PKP2: variants seen among roughly 807,000 people sequenced by gnomAD.
The protein encoded by PKP2 is plakophilin 2, also known as plakophilin-2.
In PKP2, 73 loss-of-function variants were observed where a neutral mutation model predicts 83.4. The observed-to-expected ratio is 0.88, with a 90% CI of 0.72 to 1.06. The LOEUF (loss-of-function observed/expected upper bound fraction) is 1.06. PKP2 is among the 50% of genes least tolerant of loss of function. The pLI is 0.00. For synonymous variants in PKP2, 409 were observed against 430.4 expected (o/e 0.95, Z 0.62); for missense variants, 966 against 1,065.4 (o/e 0.91, Z 1.30).
Position 32,877,890 on chromosome 12 carries a change from C to G in PKP2, c.990G>C (p.Gly330=), listed in dbSNP as rs749862514. The change falls in exon 3 of 13, where the codon GGG becomes GGC. Residue 330 remains glycine (G), a synonymous_variant. Coordinates refer to ENST00000340811, the MANE Select transcript of PKP2 (RefSeq NM_001005242.3). ...TVGQAAAGGS[G]NLLTERSTFT... ...AAGTGCTTCTCTCAGTGAGCAGATT[C>G]CCACTTCCCCCTGCGGCCGCCTGGC... 4.3e-6 allele frequency: 7 copies of G among 1,614,168 alleles called. No homozygotes were observed. Among genetic ancestry groups the G allele is most frequent in the Non-Finnish European group, 5.9e-6 (7 of 1,180,012 alleles).
At chr12:32,872,325 G>T (rs1196760015) in intron 3 of PKP2, among the ~76,000 whole-genome samples, 4 of 152,094 alleles carry the variant, frequency 2.6e-5, no homozygotes, top group Non-Finnish European at 5.9e-5. Context: ...CTGAGGTCAG[G>T]AGTTTAAGGC....
chr12:32,842,511 G>A (rs912642984), intron 5 of PKP2, among the ~76,000 whole-genome samples: 1 of 151,986 alleles, frequency 6.6e-6, no homozygotes, highest in Non-Finnish European at 1.5e-5. Context: ...AAAGTGCTGG[G>A]ATTACAGGCA....
chr12:32,824,178 A>G lies in PKP2; in HGVS notation c.1557-16T>C. On this transcript the variant is annotated splice_polypyrimidine_tract_variant and intron_variant, in intron 6 of 12. Coordinates refer to ENST00000340811, the MANE Select transcript of PKP2 (RefSeq NM_001005242.3). ...ACTCATGTTTCTATCAGAAAAAACA[A>G]AAAACAAAAAAGTAAGTCTAGGCTG... 6.4e-7 allele frequency: 1 copy of G among 1,553,422 alleles called. No homozygotes were observed. Among genetic ancestry groups the G allele is most frequent in the Non-Finnish European group, 8.9e-7 (1 of 1,127,582 alleles).
chr12:32,863,207 C>T, intron 4 of PKP2: 3 of 234,868 alleles, frequency 1.3e-5, no homozygotes, highest in Admixed American at 8.2e-5. Flanking sequence ...GGTGTTTATG[C>T]CCGAGATGAA....
At chr12:32,806,430 G>A (rs764265252) in intron 9 of PKP2, among the ~76,000 whole-genome samples, 2 of 152,052 alleles carry the variant, frequency 1.3e-5, no homozygotes, top group Non-Finnish European at 2.9e-5. Flanking sequence ...TTTCTTCTTG[G>A]TTCAGTCTTG....
At chr12:32,807,305 T>A (rs998347634) in intron 9 of PKP2, among the ~76,000 whole-genome samples, 1 of 152,208 alleles carries the variant, frequency 6.6e-6, no homozygotes, top group East Asian at 1.9e-4. Flanking sequence ...CTTTTTTTGA[T>A]CTTTGCTGGT....
intron 6 of PKP2, among the ~76,000 whole-genome samples, chr12:32,837,842 A>G (rs762379492): frequency 6.6e-6 from 1 of 152,104 alleles, no homozygotes; most frequent in Non-Finnish European, 1.5e-5. Context: ...TAATACTATT[A>G]TTCTTCTTCT....
chr12:32,805,821 G>GT (rs1279685640), intron 9 of PKP2, among the ~76,000 whole-genome samples: 5 of 152,298 alleles, frequency 3.3e-5, no homozygotes, highest in South Asian at 4.1e-4. Context: ...TTTTAAAATA[G>GT]TTTTTTCCAA....
chr12:32,806,846 C>T (rs11561218), intron 9 of PKP2, among the ~76,000 whole-genome samples: 29,668 of 151,980 alleles, frequency 0.2, 3,565 homozygotes, highest in East Asian at 0.56. Flanking sequence ...GCATTTAGTG[C>T]TACAAATTTC....
chr12:32,846,332 G>A (rs79032918), intron 5 of PKP2, among the ~76,000 whole-genome samples: 12,910 of 152,164 alleles, frequency 0.085, 562 homozygotes, highest in Non-Finnish European at 0.1. Flanking sequence ...CAATCTCACC[G>A]GGGTGGGGGG....
At chr12:32,843,433 T>C (rs1956619011) in intron 5 of PKP2, 2 of 670,138 alleles carry the variant, frequency 3.0e-6, no homozygotes, top group Admixed American at 1.9e-5. Context: ...TAAGAGCCTG[T>C]ATAGTTAAAG....
At chr12:32,852,492 A>C (rs867882526) in intron 4 of PKP2, among the ~76,000 whole-genome samples, 10 of 152,304 alleles carry the variant, frequency 6.6e-5, no homozygotes, top group Non-Finnish European at 8.8e-5. Flanking sequence ...CAACAATAAC[A>C]ACCACAGTCA....
chr12:32,874,492 T>C (rs1461687425), intron 3 of PKP2, among the ~76,000 whole-genome samples: 2 of 152,204 alleles, frequency 1.3e-5, no homozygotes, highest in African/African-American at 2.4e-5. Flanking sequence ...TGATTTCTAC[T>C]CTCTAGAATT....
At chr12:32,871,021 G>C (rs912941922) in intron 3 of PKP2, among the ~76,000 whole-genome samples, 1 of 152,034 alleles carries the variant, frequency 6.6e-6, no homozygotes, top group Non-Finnish European at 1.5e-5. Context: ...CAGCTGTCAG[G>C]GGGTCAACTT....
Position 32,821,387 on chromosome 12 carries a change from G to A in PKP2, c.1982C>T (p.Ala661Val), listed in dbSNP as rs753335349. The A allele has an allele frequency of 3.7e-6, 6 of 1,614,042 alleles. No homozygotes were observed. Among genetic ancestry groups the A allele is most frequent in the Non-Finnish European group, 5.1e-6 (6 of 1,180,026 alleles). ...ACTTCCGGCCGTGAGGTTCTGCAGA[G>A]CTCCTAAGGATGCTTCTTGTGTGTA... ...RNYTQEASLGALQNLTAGSGP... is the reference protein window; with the variant it reads ...RNYTQEASLGVLQNLTAGSGP... The change falls in exon 9 of 13, where the codon GCT (alanine) becomes GTT (valine). Residue 661 changes from alanine (A) to valine (V), a missense_variant. Transcript: ENST00000340811.
intron 1 of PKP2, among the ~76,000 whole-genome samples, chr12:32,884,977 A>C (rs908098871): frequency 5.9e-5 from 9 of 152,218 alleles, no homozygotes; most frequent in Non-Finnish European, 1.2e-4. Context: ...ATTTCAAATT[A>C]ACATGGGCTC....
intron 9 of PKP2, among the ~76,000 whole-genome samples, chr12:32,814,599 A>G (rs1956304414): frequency 6.6e-6 from 1 of 152,124 alleles, no homozygotes; most frequent in Non-Finnish European, 1.5e-5. Context: ...TTTCTTATTT[A>G]GACTATGGTG....
chr12:32,851,100 A>G, intron 4 of PKP2, 127 bp from the exon 5 acceptor site: 1 of 755,816 alleles, frequency 1.3e-6, no homozygotes, highest in South Asian at 1.5e-5. Flanking sequence ...AACTATGTGT[A>G]GCACAACTGA....
At chr12:32,809,703 T>C (rs1481658852) in intron 9 of PKP2, among the ~76,000 whole-genome samples, 2 of 152,222 alleles carry the variant, frequency 1.3e-5, no homozygotes. Flanking sequence ...CCCAAGGCCC[T>C]GGTAGCGTGG....
Sources: allele counts gnomAD v4.1 joint callset (sites outside exome capture counted in the v4.1 genomes callset), GRCh38; gene constraint gnomAD v4.1.1; transcripts MANE v1.5; gene names NCBI Gene and HGNC (gene_info 2026-07-23, HGNC 2026-07-21).